MAGI2: variants seen among roughly 807,000 people sequenced by gnomAD.
The protein encoded by MAGI2 is membrane-associated guanylate kinase, WW and PDZ domain-containing protein 2.
A neutral mutation model predicts 133.3 loss-of-function variants in MAGI2; 35 were observed. The observed-to-expected ratio is 0.26, with a 90% CI of 0.20 to 0.35. MAGI2 has a LOEUF of 0.35. Ranked by LOEUF, MAGI2 falls within the 10% of genes least tolerant of loss-of-function variation. MAGI2 has a pLI of 1.00. For synonymous variants in MAGI2, 729 were observed against 710.6 expected (o/e 1.03, Z -0.41); for missense variants, 1,636 against 1,863.4 (o/e 0.88, Z 2.25).
chr7:78,486,774 C>T, intron 6 of MAGI2: 1 of 418,656 alleles, frequency 2.4e-6, no homozygotes. Context: ...AGTTTGACGT[C>T]AAGTTTGAAA....
intron 2 of MAGI2, among the ~76,000 whole-genome samples, chr7:78,676,688 AT>A (rs1370265098): frequency 6.6e-6 from 1 of 152,062 alleles, no homozygotes; most frequent in Non-Finnish European, 1.5e-5. Flanking sequence ...TATTTTTATT[AT>A]TTTTAAAAAT....
intron 20 of MAGI2, among the ~76,000 whole-genome samples, chr7:78,099,643 A>G (rs1563119926): frequency 6.6e-6 from 1 of 152,212 alleles, no homozygotes; most frequent in Admixed American, 6.5e-5. Flanking sequence ...CTCTTATTCC[A>G]TAATTCACCT....
intron 6 of MAGI2, among the ~76,000 whole-genome samples, chr7:78,378,762 C>A (rs995753): frequency 0.82 from 124,373 of 151,954 alleles, 51,006 homozygotes; most frequent in Admixed American, 0.85. Flanking sequence ...ATTTTGAGGA[C>A]AGGACTAATG....
chr7:79,001,516 T>C (rs972898732), intron 2 of MAGI2, among the ~76,000 whole-genome samples: 1 of 152,134 alleles, frequency 6.6e-6, no homozygotes, highest in Admixed American at 6.6e-5. Flanking sequence ...TTAATTTGTG[T>C]CTCTAATAAA....
At chr7:78,668,835 G>A (rs933634511) in intron 2 of MAGI2, among the ~76,000 whole-genome samples, 12 of 124,564 alleles carry the variant, frequency 9.6e-5, no homozygotes, top group African/African-American at 2.4e-4. Context: ...GGTACATAAC[G>A]AAATGAAGGC....
intron 3 of MAGI2, among the ~76,000 whole-genome samples, chr7:78,551,812 C>G (rs1799356203): frequency 1.3e-5 from 2 of 152,042 alleles, no homozygotes; most frequent in African/African-American, 4.8e-5. Flanking sequence ...CGGTGCGAAC[C>G]TGGCTCACTG....
chr7:79,333,639 T>G (rs905944393), intron 1 of MAGI2, among the ~76,000 whole-genome samples: 3 of 152,202 alleles, frequency 2.0e-5, no homozygotes, highest in African/African-American at 7.2e-5. Context: ...TTTTCTTTTT[T>G]AAAAAACTTT....
intron 2 of MAGI2, among the ~76,000 whole-genome samples, chr7:78,848,029 G>T (rs1227680542): frequency 2.0e-5 from 3 of 151,854 alleles, no homozygotes; most frequent in Admixed American, 2.0e-4. Context: ...TGTCATCTAG[G>T]TGATTTCATC....
At chr7:78,717,677 C>T (rs886667473) in intron 2 of MAGI2, among the ~76,000 whole-genome samples, 8 of 152,234 alleles carry the variant, frequency 5.3e-5, no homozygotes, top group African/African-American at 1.7e-4. Flanking sequence ...TCCAAACTTA[C>T]AGCTATTATT....
At chr7:78,430,927 A>C (rs1038954705) in intron 6 of MAGI2, among the ~76,000 whole-genome samples, 2 of 152,132 alleles carry the variant, frequency 1.3e-5, no homozygotes, top group Non-Finnish European at 2.9e-5. Context: ...TCCTGAGAGA[A>C]AGTTCCATCA....
At chr7:78,434,677 A>G (rs1800112799) in intron 6 of MAGI2, among the ~76,000 whole-genome samples, 2 of 152,188 alleles carry the variant, frequency 1.3e-5, no homozygotes, top group Non-Finnish European at 2.9e-5. Context: ...AGGGCAATGA[A>G]TAGGTTATTT....
rs551049505 is a variant in MAGI2 at position 79,419,349 on chromosome 7, C to T, written c.301+33671G>A. Among the ~76,000 whole-genome samples the T allele has an allele frequency of 1.6e-4, 24 of 151,936 alleles. 1 individual carries two copies. The highest frequency in any genetic ancestry group is 5.8e-4 in the African/African-American group (24 of 41,454). ...ATGCAGGACAACAGTTACCATTTACCAATACTATTTTAAGAACATAAGGGA... is the reference window on the plus strand; with the variant it reads ...ATGCAGGACAACAGTTACCATTTACTAATACTATTTTAAGAACATAAGGGA... On this transcript the variant is annotated intron_variant, in intron 1 of 21. Transcript: ENST00000354212.
chr7:78,339,578 C>A (rs2151174170), intron 9 of MAGI2, among the ~76,000 whole-genome samples: 1 of 151,800 alleles, frequency 6.6e-6, no homozygotes, highest in Non-Finnish European at 1.5e-5. Context: ...AAATATTTCA[C>A]TGAAGTTCAA....
intron 2 of MAGI2, among the ~76,000 whole-genome samples, chr7:78,671,282 T>TCTC (rs901844615): frequency 2.4e-4 from 5 of 21,274 alleles, no homozygotes; most frequent in Non-Finnish European, 1.4e-4. Flanking sequence ...TCTCTCTCTC[T>TCTC]TTTTTTTTTT....
chr7:79,189,788 T>C (rs1046354208), intron 1 of MAGI2, among the ~76,000 whole-genome samples: 1 of 151,644 alleles, frequency 6.6e-6, no homozygotes, highest in African/African-American at 2.4e-5. Flanking sequence ...CATCCCTTCT[T>C]CCCTCCCACC....
intron 2 of MAGI2, among the ~76,000 whole-genome samples, chr7:78,977,598 T>G (rs1804406749): frequency 6.6e-6 from 1 of 151,708 alleles, no homozygotes; most frequent in Non-Finnish European, 1.5e-5. Context: ...TAAAATTTAT[T>G]GAAAAACAGG....
chr7:78,196,037 C>T (rs1828698905), intron 11 of MAGI2, among the ~76,000 whole-genome samples: 1 of 152,218 alleles, frequency 6.6e-6, no homozygotes, highest in Non-Finnish European at 1.5e-5. Flanking sequence ...TGGCGGGCTC[C>T]TTTTGAGCCT....
At chr7:78,729,668 G>A (rs190628848) in intron 2 of MAGI2, among the ~76,000 whole-genome samples, 2 of 152,188 alleles carry the variant, frequency 1.3e-5, no homozygotes, top group East Asian at 1.9e-4. Context: ...TATATCCAGA[G>A]AGAATTCTAG....
At chr7:78,949,067 T>G (rs557792466) in intron 2 of MAGI2, among the ~76,000 whole-genome samples, 3 of 152,300 alleles carry the variant, frequency 2.0e-5, no homozygotes, top group African/African-American at 4.8e-5. Context: ...AACACTCATA[T>G]GAACATTGTG....
Sources: allele counts gnomAD v4.1 joint callset (sites outside exome capture counted in the v4.1 genomes callset), GRCh38; gene constraint gnomAD v4.1.1; transcripts MANE v1.5; gene names NCBI Gene and HGNC (gene_info 2026-07-23, HGNC 2026-07-21).